Variants in MMP16 observed in about 807,000 individuals in gnomAD.
The protein encoded by MMP16 is matrix metalloproteinase-16.
MMP16 carries 12 observed loss-of-function variants against 67.8 expected under a neutral mutation model. The ratio of observed to expected loss-of-function variants is 0.18; its 90% CI spans 0.11 to 0.29. The LOEUF is 0.29. Among genes scored for constraint, MMP16 ranks in the 10% least tolerant of loss-of-function variants. The probability of loss-of-function intolerance (pLI) is 1.00; values close to 1 mark genes in which losing one functional copy is unlikely to be tolerated. For missense variants in MMP16, 475 were observed against 765.7 expected (o/e 0.62, Z 4.48); for synonymous variants, 249 against 255.9 (o/e 0.97, Z 0.26).
intron 1 of MMP16, among the ~76,000 whole-genome samples, chr8:88,213,785 C>A (rs1192519277): frequency 6.6e-6 from 1 of 152,152 alleles, no homozygotes; most frequent in East Asian, 1.9e-4. Context: ...GGAGTAATCA[C>A]TTAGAATAGT....
In MMP16 at chr8:88,263,962, G is replaced by T. The variant is rs150571259; in HGVS notation, c.132+63113C>A. 5.0e-5 allele frequency among the ~76,000 whole-genome samples: 6 copies of T among 118,984 alleles called. No individual in the cohort carries two copies. In the East Asian group the frequency reaches 8.4e-4, roughly 17 times the overall value. 78.1% of individuals were successfully genotyped at this position (118,984 alleles called of 152,430 possible). A position where few individuals can be genotyped will look rare whatever the true frequency, so the allele number is the denominator to read the frequency against. ...CCTCCCTACAAAAATGGCATATATA[G>T]AGAGAGAGAGAAAGAGAGAGAGAGA... On this transcript the variant is annotated intron_variant, in intron 1 of 9. Coordinates refer to ENST00000286614, the MANE Select transcript of MMP16 (RefSeq NM_005941.5).
intron 1 of MMP16, among the ~76,000 whole-genome samples, chr8:88,307,566 T>G (rs1563591083): frequency 6.6e-6 from 1 of 152,224 alleles, no homozygotes; most frequent in East Asian, 1.9e-4. Context: ...TAGAATGAAT[T>G]ATCCTAAAGA....
At chr8:88,185,700 T>A (rs908044375) in intron 3 of MMP16, among the ~76,000 whole-genome samples, 1 of 152,178 alleles carries the variant, frequency 6.6e-6, no homozygotes, top group Non-Finnish European at 1.5e-5. Flanking sequence ...CTTTCCTTCC[T>A]ATGGGTCTTA....
At chr8:88,199,866 G>T (rs1809314528) in intron 1 of MMP16, among the ~76,000 whole-genome samples, 1 of 151,788 alleles carries the variant, frequency 6.6e-6, no homozygotes, top group African/African-American at 2.4e-5. Flanking sequence ...TACTAAATTT[G>T]TCTCTTGAGA....
chr8:88,145,847 T>C (rs890808609), intron 4 of MMP16, among the ~76,000 whole-genome samples: 3 of 151,972 alleles, frequency 2.0e-5, no homozygotes, highest in African/African-American at 7.2e-5. Context: ...ACTGAAGATA[T>C]TTGGTTGTTG....
intron 1 of MMP16, among the ~76,000 whole-genome samples, chr8:88,310,957 T>C (rs1459662308): frequency 2.0e-5 from 3 of 152,142 alleles, no homozygotes; most frequent in Non-Finnish European, 4.4e-5. Flanking sequence ...TAATAAGGTA[T>C]TTAATAATTT....
At chr8:88,127,610 C>T (rs1807956666) in intron 4 of MMP16, among the ~76,000 whole-genome samples, 1 of 151,658 alleles carries the variant, frequency 6.6e-6, no homozygotes, top group Admixed American at 6.6e-5. Context: ...TCATTATTTC[C>T]AAAAACAGAA....
intron 1 of MMP16, among the ~76,000 whole-genome samples, chr8:88,325,852 T>C (rs1293631470): frequency 6.6e-6 from 1 of 152,184 alleles, no homozygotes; most frequent in East Asian, 1.9e-4. Flanking sequence ...ACTTATTACA[T>C]GAAGTCCTAA....
At chr8:88,047,285 T>G (rs994057670) in intron 8 of MMP16, among the ~76,000 whole-genome samples, 1 of 152,188 alleles carries the variant, frequency 6.6e-6, no homozygotes, top group Non-Finnish European at 1.5e-5. Context: ...CTGGCGTTAT[T>G]ATAGGGCTAG....
intron 6 of MMP16, among the ~76,000 whole-genome samples, chr8:88,089,144 AGAT>A (rs1808891662): frequency 6.6e-6 from 1 of 152,070 alleles, no homozygotes; most frequent in African/African-American, 2.4e-5. Flanking sequence ...GGCATAAAAG[AGAT>A]GATATGTCTC....
intron 4 of MMP16, among the ~76,000 whole-genome samples, chr8:88,149,009 G>C (rs902606019): frequency 6.6e-6 from 1 of 152,200 alleles, no homozygotes; most frequent in Admixed American, 6.5e-5. Context: ...TGCGCGCACC[G>C]GGCGCGAGCC....
At chr8:88,244,168 G>C (rs940452257) in intron 1 of MMP16, among the ~76,000 whole-genome samples, 1 of 152,082 alleles carries the variant, frequency 6.6e-6, no homozygotes, top group South Asian at 2.1e-4. Flanking sequence ...AAACACTGCA[G>C]TGTATCAAAT....
intron 1 of MMP16, among the ~76,000 whole-genome samples, chr8:88,201,017 T>C (rs1775113587): frequency 2.0e-5 from 3 of 151,896 alleles, no homozygotes; most frequent in African/African-American, 7.2e-5. Context: ...GATACTGTTA[T>C]TCATTTGCTT....
intron 1 of MMP16, among the ~76,000 whole-genome samples, chr8:88,322,839 T>A (rs1169870738): frequency 6.6e-6 from 1 of 151,988 alleles, no homozygotes; most frequent in Non-Finnish European, 1.5e-5. Context: ...TAGACCTGAG[T>A]GATCCGGCCC....
intron 6 of MMP16, among the ~76,000 whole-genome samples, chr8:88,098,899 T>C (rs1335584615): frequency 1.3e-5 from 2 of 151,916 alleles, no homozygotes; most frequent in East Asian, 3.9e-4. Flanking sequence ...ATCACTATTT[T>C]GTTCCCATTC....
intron 4 of MMP16, among the ~76,000 whole-genome samples, chr8:88,148,943 G>A (rs967320972): frequency 1.3e-5 from 2 of 152,280 alleles, no homozygotes; most frequent in East Asian, 3.9e-4. Context: ...ATTTCCATCT[G>A]AGGTACCGGG....
intron 1 of MMP16, among the ~76,000 whole-genome samples, chr8:88,240,876 T>G (rs1810022681): frequency 6.6e-6 from 1 of 152,210 alleles, no homozygotes; most frequent in Non-Finnish European, 1.5e-5. Flanking sequence ...AAGAATCAAC[T>G]TGGCTTTGTG....
intron 6 of MMP16, among the ~76,000 whole-genome samples, chr8:88,098,196 G>C (rs573751066): frequency 6.6e-6 from 1 of 152,134 alleles, no homozygotes; most frequent in East Asian, 1.9e-4. Flanking sequence ...ATTGGACTAA[G>C]TGTGAGAAGC....
chr8:88,135,464 C>A (rs1392879211), intron 4 of MMP16, among the ~76,000 whole-genome samples: 1 of 151,736 alleles, frequency 6.6e-6, no homozygotes, highest in Non-Finnish European at 1.5e-5. Flanking sequence ...CTAGTAAAGA[C>A]TCAGATGAAA....
Sources: gnomAD v4.1 joint callset for allele counts (sites outside exome capture counted in the v4.1 genomes callset) on GRCh38, gnomAD v4.1.1 for gene constraint, MANE v1.5 for transcripts, NCBI Gene and HGNC (gene_info 2026-07-23, HGNC 2026-07-21) for gene names.